Variants in NUDT3 observed in about 807,000 individuals in gnomAD.
NUDT3 encodes nudix hydrolase 3.
Under a neutral mutation model 23.6 loss-of-function variants are expected in NUDT3, and 9 were observed. That is an observed-to-expected ratio of 0.38 (90% CI 0.23 to 0.66). The LOEUF is 0.66. Among genes scored for constraint, NUDT3 ranks in the 30% least tolerant of loss-of-function variants. The probability of loss-of-function intolerance (pLI) is 0.52; values close to 1 mark genes in which losing one functional copy is unlikely to be tolerated. For synonymous variants in NUDT3, 86 were observed against 82.6 expected (o/e 1.04, Z -0.22); for missense variants, 172 against 218.5 (o/e 0.79, Z 1.34).
At chr6:34,294,661 G>C (rs146696797) in intron 3 of NUDT3, among the ~76,000 whole-genome samples, 5,019 of 151,872 alleles carry the variant, frequency 0.033, 130 homozygotes, top group Non-Finnish European at 0.049. Context: ...GGGAGGCGGA[G>C]GTTGTGGTGA....
chr6:34,334,818 A>T (rs1384831364), intron 2 of NUDT3, among the ~76,000 whole-genome samples: 1 of 151,988 alleles, frequency 6.6e-6, no homozygotes, highest in Non-Finnish European at 1.5e-5. Flanking sequence ...CGGTAGTCCC[A>T]GCTACTCAGG....
At chr6:34,357,507 G>T (rs927371229) in intron 1 of NUDT3, among the ~76,000 whole-genome samples, 1 of 151,872 alleles carries the variant, frequency 6.6e-6, no homozygotes, top group African/African-American at 2.4e-5. Context: ...AGCAATACTA[G>T]GGAGGCTGAG....
chr6:34,325,730 C>T lies in NUDT3; in HGVS notation c.210+16132G>A, dbSNP rs114681201. ...GAATAAGATCCTCACATATAATGTA[C>T]TAAGACATGATGATTCTTATATATT... On this transcript the variant is annotated intron_variant, in intron 2 of 4. Transcript: ENST00000607016. 1.4e-3 allele frequency among the ~76,000 whole-genome samples: 213 copies of T among 152,252 alleles called. 1 individual carries two copies. The highest frequency in any genetic ancestry group is 4.8e-3 in the African/African-American group (198 of 41,554).
At chr6:34,372,451 T>C (rs908886304) in intron 1 of NUDT3, among the ~76,000 whole-genome samples, 4 of 152,278 alleles carry the variant, frequency 2.6e-5, no homozygotes, top group African/African-American at 7.2e-5. Context: ...TGGTGTGAGA[T>C]GGTATCTCAT....
At chr6:34,306,776 A>G (rs987183941) in intron 2 of NUDT3, among the ~76,000 whole-genome samples, 12 of 152,342 alleles carry the variant, frequency 7.9e-5, no homozygotes, top group African/African-American at 2.6e-4. Context: ...TATAACACAG[A>G]CCACTAAACT....
intron 2 of NUDT3, among the ~76,000 whole-genome samples, chr6:34,341,081 G>C (rs1197420760): frequency 6.6e-6 from 1 of 152,152 alleles, no homozygotes. Context: ...CTACCTATGT[G>C]GCCAGGGCGA....
chr6:34,367,986 A>C (rs901616396), intron 1 of NUDT3, among the ~76,000 whole-genome samples: 1 of 152,118 alleles, frequency 6.6e-6, no homozygotes, highest in African/African-American at 2.4e-5. Context: ...GCGGATCACG[A>C]GGTCAGGAGT....
At chr6:34,370,042 T>C (rs1233011886) in intron 1 of NUDT3, among the ~76,000 whole-genome samples, 2 of 152,188 alleles carry the variant, frequency 1.3e-5, no homozygotes, top group East Asian at 3.8e-4. Context: ...AAACACTACA[T>C]TTTTCTTGAT....
At chr6:34,356,408 T>A (rs1317159904) in intron 1 of NUDT3, among the ~76,000 whole-genome samples, 1 of 152,186 alleles carries the variant, frequency 6.6e-6, no homozygotes, top group East Asian at 1.9e-4. Flanking sequence ...ATACGGCTGA[T>A]TCCATGACCA....
chr6:34,356,702 A>T (rs1048257659), intron 1 of NUDT3, among the ~76,000 whole-genome samples: 1 of 149,502 alleles, frequency 6.7e-6, no homozygotes, highest in Non-Finnish European at 1.5e-5. Context: ...TGACAAACTG[A>T]GGGGGAAAAA....
intron 2 of NUDT3, among the ~76,000 whole-genome samples, chr6:34,326,923 T>TCCCCA (rs1191863452): frequency 6.6e-6 from 1 of 152,006 alleles, no homozygotes; most frequent in Non-Finnish European, 1.5e-5. Context: ...ACGGGTGTTC[T>TCCCCA]CCCCGTGTGT....
intron 1 of NUDT3, among the ~76,000 whole-genome samples, chr6:34,386,455 C>A (rs180816464): frequency 5.4e-4 from 82 of 152,290 alleles, no homozygotes; most frequent in African/African-American, 1.9e-3. Context: ...CTGTCTCCTT[C>A]ATAACAGTAT....
intron 2 of NUDT3, among the ~76,000 whole-genome samples, chr6:34,341,219 T>C (rs1013842753): frequency 1.3e-5 from 2 of 152,102 alleles, no homozygotes; most frequent in East Asian, 1.9e-4. Flanking sequence ...GGGTTTTCAA[T>C]TGCAATCTGT....
At chr6:34,362,060 G>A (rs557777771) in intron 1 of NUDT3, among the ~76,000 whole-genome samples, 1 of 152,322 alleles carries the variant, frequency 6.6e-6, no homozygotes, top group South Asian at 2.1e-4. Context: ...TCAGGATGCT[G>A]ATAGTGAGGG....
Position 34,392,279 on chromosome 6 carries a change from G to A in NUDT3, c.84C>T (p.Ser28=). 1.2e-6 allele frequency: 2 copies of A among 1,601,300 alleles called. No individual in the cohort carries two copies. The highest frequency in any genetic ancestry group is 1.7e-6 in the Non-Finnish European group (2 of 1,176,574). Residue 28 remains serine (S), a synonymous_variant, in exon 1 of 5, where the codon AGC becomes AGT. Transcript: ENST00000607016. ...GCCGCCTCACCTCCTCCTCGCTCTC[G>A]CTGCGGAAACACAGGCATGCGGCCC... ...KKRAACLCFR[S]ESEEEVLLVS...
intron 2 of NUDT3, among the ~76,000 whole-genome samples, chr6:34,340,983 G>A (rs1339910548): frequency 6.6e-6 from 1 of 152,114 alleles, no homozygotes; most frequent in East Asian, 1.9e-4. Flanking sequence ...AGAAACATAG[G>A]AATTAGACTT....
chr6:34,377,959 T>A (rs1285762304), intron 1 of NUDT3, among the ~76,000 whole-genome samples: 1 of 152,154 alleles, frequency 6.6e-6, no homozygotes, highest in Admixed American at 6.6e-5. Context: ...ATTACTTTTT[T>A]GCCATTTAAA....
intron 1 of NUDT3, among the ~76,000 whole-genome samples, chr6:34,358,658 G>A (rs937653157): frequency 2.0e-5 from 3 of 152,088 alleles, no homozygotes; most frequent in African/African-American, 7.2e-5. Flanking sequence ...ATGATGGCCT[G>A]GCCAGATGCC....
chr6:34,334,607 T>C (rs967394531), intron 2 of NUDT3, among the ~76,000 whole-genome samples: 3 of 151,314 alleles, frequency 2.0e-5, no homozygotes, highest in African/African-American at 7.3e-5. Context: ...CACTCCAGCA[T>C]GGGCGACAAC....
Sources: gnomAD v4.1 joint callset for allele counts (sites outside exome capture counted in the v4.1 genomes callset) on GRCh38, gnomAD v4.1.1 for gene constraint, MANE v1.5 for transcripts, NCBI Gene and HGNC (gene_info 2026-07-23, HGNC 2026-07-21) for gene names.